RANBP2: variants seen among roughly 807,000 people sequenced by gnomAD.
RANBP2 encodes the protein RAN binding protein 2, also known as E3 SUMO-protein ligase RanBP2.
A neutral mutation model predicts 303.6 loss-of-function variants in RANBP2; 57 were observed. The observed-to-expected ratio is 0.19, with a 90% CI of 0.15 to 0.23. The LOEUF (loss-of-function observed/expected upper bound fraction) is 0.23. Ranked by LOEUF, RANBP2 falls within the 10% of genes least tolerant of loss-of-function variation. RANBP2 has a pLI of 1.00. For missense variants in RANBP2, 3,138 were observed against 3,780.8 expected, an observed-to-expected ratio of 0.83 and a Z score of 4.46; for synonymous variants, 1,167 against 1,301.5, an observed-to-expected ratio of 0.90 and a Z score of 2.23.
At chr2:108,858,338 C>T in the RANBP2 span, among the ~76,000 whole-genome samples, 5 of 152,020 alleles carry the variant, frequency 3.3e-5, no homozygotes, top group East Asian at 3.9e-4. Flanking sequence ...AGTAAGTCTC[C>T]GTCTCAAAAA....
At chr2:109,203,493 G>A in the RANBP2 span, among the ~76,000 whole-genome samples, 2 of 152,112 alleles carry the variant, frequency 1.3e-5, no homozygotes, top group Non-Finnish European at 2.9e-5. Context: ...AAGTCCCACC[G>A]CTCCCCATTG....
chr2:109,528,131 G>A, the RANBP2 span, among the ~76,000 whole-genome samples: 1 of 152,228 alleles, frequency 6.6e-6, no homozygotes, highest in South Asian at 2.1e-4. Flanking sequence ...GAGTCACAGT[G>A]ACCTGGGAGC....
At chr2:108,729,717 CTTT>C (rs34977300) in intron 2 of RANBP2, among the ~76,000 whole-genome samples, 71 of 135,216 alleles carry the variant, frequency 5.3e-4, no homozygotes, top group Non-Finnish European at 5.5e-4. Context: ...GGGAGTCAGG[CTTT>C]TTTTTTTTTT....
At chr2:109,059,436 G>A in the RANBP2 span, among the ~76,000 whole-genome samples, 2 of 152,088 alleles carry the variant, frequency 1.3e-5, no homozygotes, top group African/African-American at 4.8e-5. Context: ...TTAGCCGGGT[G>A]TGGCGGTGGG....
At chr2:109,613,789 G>A in the RANBP2 span, 5 of 1,227,812 alleles carry the variant, frequency 4.1e-6, no homozygotes, top group Non-Finnish European at 5.1e-6. Context: ...CGGCGTCGGC[G>A]GGACTCACCA....
the RANBP2 span, chr2:109,614,163 G>C: frequency 2.5e-6 from 3 of 1,186,426 alleles, no homozygotes; most frequent in East Asian, 1.1e-4. Flanking sequence ...AATGCAGGCG[G>C]GAACTGCGGA....
chr2:109,334,328 A>G, the RANBP2 span, among the ~76,000 whole-genome samples: 1 of 147,528 alleles, frequency 6.8e-6, no homozygotes, highest in African/African-American at 2.5e-5. Context: ...ACTCGACTTC[A>G]GATTGGGTGA....
the RANBP2 span, among the ~76,000 whole-genome samples, chr2:109,044,549 A>C: frequency 0.031 from 4,679 of 151,868 alleles, 123 homozygotes; most frequent in East Asian, 0.11. Context: ...AATAAATAAA[A>C]ATAATGAGAT....
the RANBP2 span, among the ~76,000 whole-genome samples, chr2:108,793,904 C>T: frequency 6.6e-6 from 1 of 151,972 alleles, no homozygotes; most frequent in Non-Finnish European, 1.5e-5. Context: ...GCCCTGCCAC[C>T]CTCAGGAAAC....
Position 108,783,643 on chromosome 2 carries a change from T to C in RANBP2, c.9417T>C (p.Tyr3139=). The change falls in exon 29 of 29, where the codon TAT becomes TAC. Residue 3139 remains tyrosine, a synonymous_variant. Transcript: ENST00000283195. ...KHDGTGGQSI[Y]GDKFEDENFD... Reference sequence around the variant, plus strand: ...ATGGAACAGGCGGACAGTCCATTTATGGAGACAAATTTGAAGATGAAAATT... The same window carrying C: ...ATGGAACAGGCGGACAGTCCATTTACGGAGACAAATTTGAAGATGAAAATT... 6.2e-7 allele frequency: 1 copy of C among 1,612,562 alleles called. No homozygotes were observed.
the RANBP2 span, among the ~76,000 whole-genome samples, chr2:109,638,181 C>T: frequency 1.2e-3 from 187 of 152,164 alleles, 3 homozygotes; most frequent in East Asian, 0.034. Context: ...GTTGGAAGCA[C>T]GATGAAAGAT....
At chr2:109,391,205 T>C in the RANBP2 span, among the ~76,000 whole-genome samples, 2 of 152,380 alleles carry the variant, frequency 1.3e-5, no homozygotes, top group African/African-American at 4.8e-5. Context: ...ATTTGTGCAG[T>C]GCAGGTCTGC....
chr2:109,579,413 C>T, the RANBP2 span, among the ~76,000 whole-genome samples: 70 of 142,672 alleles, frequency 4.9e-4, no homozygotes, highest in East Asian at 0.012. Context: ...GATGGAGTTT[C>T]GCTCTTGTTG....
the RANBP2 span, among the ~76,000 whole-genome samples, chr2:109,158,669 A>G: frequency 5.9e-5 from 9 of 152,296 alleles, no homozygotes; most frequent in South Asian, 6.2e-4. Context: ...ATTTCTTCTG[A>G]TAAGAGATTT....
the RANBP2 span, among the ~76,000 whole-genome samples, chr2:108,990,527 T>C: frequency 6.6e-6 from 1 of 151,048 alleles, no homozygotes. Flanking sequence ...ACCCAGGAGA[T>C]GGAAGTTGCA....
At chr2:109,375,207 C>T in the RANBP2 span, among the ~76,000 whole-genome samples, 3,015 of 152,392 alleles carry the variant, frequency 0.02, 36 homozygotes, top group Non-Finnish European at 0.028. Flanking sequence ...CCGGAGATAC[C>T]TCACTCCCTG....
At chr2:109,593,002 T>C in the RANBP2 span, 209 of 1,277,172 alleles carry the variant, frequency 1.6e-4, no homozygotes, top group Non-Finnish European at 2.0e-4. Context: ...TTTAAAATCA[T>C]AGAAGCATTT....
the RANBP2 span, among the ~76,000 whole-genome samples, chr2:108,877,200 G>A: frequency 6.6e-6 from 1 of 152,138 alleles, no homozygotes; most frequent in African/African-American, 2.4e-5. Context: ...AGGCGCGGTG[G>A]CTTACGCCTG....
At chr2:108,953,751 A>C in the RANBP2 span, among the ~76,000 whole-genome samples, 2 of 152,152 alleles carry the variant, frequency 1.3e-5, no homozygotes, top group African/African-American at 2.4e-5. Context: ...AACAATAAAG[A>C]AGCACCAGAA....
Sources: allele counts gnomAD v4.1 joint callset (sites outside exome capture counted in the v4.1 genomes callset), GRCh38; gene constraint gnomAD v4.1.1; transcripts MANE v1.5; gene names NCBI Gene and HGNC (gene_info 2026-07-23, HGNC 2026-07-21).